GRIK2: variants seen among roughly 807,000 people sequenced by gnomAD.
GRIK2 encodes glutamate receptor ionotropic, kainate 2.
A neutral mutation model predicts 100.3 loss-of-function variants in GRIK2; 32 were observed. That is an observed-to-expected ratio of 0.32 (90% CI 0.24 to 0.43). The LOEUF is 0.43. Among genes scored for constraint, GRIK2 ranks in the 20% least tolerant of loss-of-function variants. The pLI, the probability that GRIK2 is intolerant of heterozygous loss-of-function variation, is 1.00. For missense variants in GRIK2, 843 were observed against 1,114.9 expected, an observed-to-expected ratio of 0.76 and a Z score of 3.47; for synonymous variants, 417 against 389.4, an observed-to-expected ratio of 1.07 and a Z score of -0.83.
intron 4 of GRIK2, among the ~76,000 whole-genome samples, chr6:101,661,417 G>A (rs913024495): frequency 2.0e-5 from 3 of 152,200 alleles, no homozygotes; most frequent in Non-Finnish European, 2.9e-5. Context: ...GGGCTCGGTG[G>A]GGGTGAGATA....
intron 10 of GRIK2, among the ~76,000 whole-genome samples, chr6:101,829,209 T>G (rs1782523031): frequency 6.6e-6 from 1 of 151,834 alleles, no homozygotes; most frequent in African/African-American, 2.4e-5. Context: ...AAATACAACA[T>G]CATTTCATAA....
rs190626560 is a variant in GRIK2, at chr6:101,604,887, C to T, written c.116-17062C>T. 3.1e-4 allele frequency among the ~76,000 whole-genome samples: 47 copies of T among 151,998 alleles called. 2 individuals are homozygous for T. Among genetic ancestry groups the T allele is most frequent in the African/African-American group, 1.1e-3 (44 of 41,510 alleles). On this transcript the variant is annotated intron_variant, in intron 2 of 16. Coordinates refer to ENST00000369134, the MANE Select transcript of GRIK2 (RefSeq NM_021956.5). ...TATAAGTCCCCAAACCAGCAGGTAG[C>T]TTGAATCTTCAAATTTAAAATAGGT...
intron 9 of GRIK2, among the ~76,000 whole-genome samples, chr6:101,808,086 T>C (rs1781115875): frequency 1.3e-5 from 2 of 152,162 alleles, no homozygotes; most frequent in East Asian, 3.9e-4. Context: ...TTCCATCACC[T>C]GAAGCTTAGC....
At chr6:101,548,206 G>T (rs1487376020) in intron 2 of GRIK2, among the ~76,000 whole-genome samples, 3 of 152,128 alleles carry the variant, frequency 2.0e-5, no homozygotes, top group Non-Finnish European at 2.9e-5. Flanking sequence ...GTTCTTTGTA[G>T]ATTCTGGATA....
chr6:101,407,344 G>A (rs1403162629), intron 2 of GRIK2, among the ~76,000 whole-genome samples: 2 of 152,082 alleles, frequency 1.3e-5, no homozygotes, highest in East Asian at 1.9e-4. Flanking sequence ...GTTTAGAGGT[G>A]AATTGCCAAG....
intron 12 of GRIK2, among the ~76,000 whole-genome samples, chr6:101,904,370 T>C (rs891084640): frequency 6.6e-6 from 1 of 151,440 alleles, no homozygotes; most frequent in African/African-American, 2.4e-5. Flanking sequence ...ATTTGAAGTT[T>C]TTAAAAAAAT....
chr6:101,676,935 G>A (rs1770883876), intron 5 of GRIK2, 131 bp downstream of exon 5: 1 of 561,988 alleles, frequency 1.8e-6, no homozygotes. Flanking sequence ...ATGATAGAAA[G>A]TCTGACAATT....
intron 14 of GRIK2, among the ~76,000 whole-genome samples, chr6:101,984,445 C>G (rs2128490329): frequency 6.6e-6 from 1 of 151,652 alleles, no homozygotes; most frequent in African/African-American, 2.4e-5. Context: ...TCCCCGTTGA[C>G]TGGAACTTAA....
At chr6:101,908,809 C>G (rs940645258) in intron 12 of GRIK2, among the ~76,000 whole-genome samples, 2 of 151,218 alleles carry the variant, frequency 1.3e-5, no homozygotes, top group East Asian at 3.9e-4. Context: ...CACATTCAGA[C>G]AAACTAAGGC....
At position 101,805,360 on chromosome 6, in the gene GRIK2, C is replaced by A. The variant is rs186533451; in HGVS notation, c.1203+2922C>A. Among the ~76,000 whole-genome samples, 111 of 151,268 alleles carry A rather than the reference C, an allele frequency of 7.3e-4. 1 individual carries two copies. Among genetic ancestry groups the A allele is most frequent in the African/African-American group, 2.4e-3 (100 of 41,206 alleles). On this transcript the variant is annotated intron_variant, in intron 9 of 16. Transcript: ENST00000369134. Reference sequence around the variant, plus strand: ...GCAAAGGGCTGCCCTCTTGGACAGTCTGAAGTGAGAATACTATGGCCTCTA... The same window carrying A: ...GCAAAGGGCTGCCCTCTTGGACAGTATGAAGTGAGAATACTATGGCCTCTA...
In GRIK2 at chr6:101,616,858, C is replaced by T. The variant is rs895471658; in HGVS notation, c.116-5091C>T. Among the ~76,000 whole-genome samples the T allele has an allele frequency of 8.6e-5, 13 of 151,522 alleles. No individual in the cohort carries two copies. In the South Asian group the frequency reaches 2.5e-3, roughly 29 times the overall value. ...CCCTTTTCCTGTTTTTGAACATTTT[C>T]TTACATTTAGCGGTTATTTGCATTT... On this transcript the variant is annotated intron_variant, in intron 2 of 16. Coordinates refer to ENST00000369134, the MANE Select transcript of GRIK2 (RefSeq NM_021956.5).
intron 2 of GRIK2, among the ~76,000 whole-genome samples, chr6:101,433,641 T>C (rs1440858425): frequency 6.6e-6 from 1 of 152,188 alleles, no homozygotes; most frequent in African/African-American, 2.4e-5. Context: ...ACTATTCTTT[T>C]TTTTTCTTAC....
intron 2 of GRIK2, among the ~76,000 whole-genome samples, chr6:101,568,664 GC>G (rs1777394697): frequency 6.6e-6 from 1 of 152,022 alleles, no homozygotes; most frequent in Admixed American, 6.6e-5. Flanking sequence ...ACTGTGCAAT[GC>G]AAATGTCAAC....
At chr6:101,552,753 A>G (rs1057190481) in intron 2 of GRIK2, among the ~76,000 whole-genome samples, 1 of 152,162 alleles carries the variant, frequency 6.6e-6, no homozygotes, top group Non-Finnish European at 1.5e-5. Flanking sequence ...TGTACTCAGC[A>G]TTCTATTATA....
rs943328710 is a variant in GRIK2 at position 101,594,314 on chromosome 6, C to T, written c.116-27635C>T. On this transcript the variant is annotated intron_variant, in intron 2 of 16. Coordinates refer to ENST00000369134, the MANE Select transcript of GRIK2 (RefSeq NM_021956.5). ...TTTCAGAGAGTAAATACATCTATTC[C>T]GTTGTTATTTAGTATTTAACATGTA... 3.3e-5 allele frequency among the ~76,000 whole-genome samples: 5 copies of T among 151,698 alleles called. No individual in the cohort carries two copies. The South Asian group carries it at 6.2e-4, about 19-fold the overall frequency.
intron 12 of GRIK2, among the ~76,000 whole-genome samples, chr6:101,909,377 T>TTTTTTTTTG (rs1554284509): frequency 2.6e-5 from 3 of 116,208 alleles, no homozygotes; most frequent in Non-Finnish European, 5.5e-5. Flanking sequence ...TAGGGTTTTC[T>TTTTTTTTTG]TTTTCTTTTT....
At chr6:101,512,063 T>C (rs541843331) in intron 2 of GRIK2, among the ~76,000 whole-genome samples, 1 of 150,850 alleles carries the variant, frequency 6.6e-6, no homozygotes, top group South Asian at 2.1e-4. Flanking sequence ...CATACATATA[T>C]ATATATATAT....
chr6:101,586,223 C>G (rs1242176554), intron 2 of GRIK2, among the ~76,000 whole-genome samples: 1 of 151,722 alleles, frequency 6.6e-6, no homozygotes, highest in East Asian at 1.9e-4. Flanking sequence ...ATAGATGAGT[C>G]TTCCATGGAA....
intron 7 of GRIK2, among the ~76,000 whole-genome samples, chr6:101,749,078 A>G (rs1776622460): frequency 6.6e-6 from 1 of 152,186 alleles, no homozygotes; most frequent in Non-Finnish European, 1.5e-5. Flanking sequence ...TATTAAATTT[A>G]CACTTAACAA....
Sources: allele counts gnomAD v4.1 joint callset (sites outside exome capture counted in the v4.1 genomes callset), GRCh38; gene constraint gnomAD v4.1.1; transcripts MANE v1.5; gene names NCBI Gene and HGNC (gene_info 2026-07-23, HGNC 2026-07-21).